NR6A1: variants seen among roughly 807,000 people sequenced by gnomAD.
NR6A1 encodes the protein nuclear receptor subfamily 6 group A member 1.
In NR6A1, 7 loss-of-function variants were observed where a neutral mutation model predicts 59.1. The observed-to-expected ratio is 0.12, with a 90% CI of 0.07 to 0.22. The LOEUF is 0.22. Ranked by LOEUF, NR6A1 falls within the 10% of genes least tolerant of loss-of-function variation. NR6A1 has a pLI of 1.00. For synonymous variants in NR6A1, 243 were observed against 236.1 expected (o/e 1.03, Z -0.27); for missense variants, 468 against 611.6 (o/e 0.77, Z 2.48).
chr9:124,589,969 G>A (rs1000188472), intron 2 of NR6A1, among the ~76,000 whole-genome samples: 11 of 147,874 alleles, frequency 7.4e-5, no homozygotes, highest in African/African-American at 2.7e-4. Context: ...GGAGATTGAG[G>A]CAGGAGAATC....
At chr9:124,567,554 C>G (rs957205183) in intron 2 of NR6A1, among the ~76,000 whole-genome samples, 1 of 151,954 alleles carries the variant, frequency 6.6e-6, no homozygotes, top group East Asian at 1.9e-4. Context: ...AGCTTGAGCC[C>G]GGGAGTCGGA....
At chr9:124,746,089 C>T (rs1453856971) in intron 1 of NR6A1, among the ~76,000 whole-genome samples, 2 of 151,516 alleles carry the variant, frequency 1.3e-5, no homozygotes, top group Non-Finnish European at 2.9e-5. Context: ...CTACCATTCT[C>T]TAAATGACTT....
At chr9:124,593,465 C>T (rs767429458) in intron 2 of NR6A1, among the ~76,000 whole-genome samples, 13 of 152,166 alleles carry the variant, frequency 8.5e-5, no homozygotes, top group Non-Finnish European at 1.6e-4. Flanking sequence ...AAAAAGATTA[C>T]TTACTCAATG....
chr9:124,692,082 A>G (rs941718173), intron 2 of NR6A1, among the ~76,000 whole-genome samples: 1 of 152,202 alleles, frequency 6.6e-6, no homozygotes, highest in African/African-American at 2.4e-5. Context: ...TCATCAGGAA[A>G]ATGTGGGTTG....
At chr9:124,745,987 C>CAAA (rs755252377) in intron 1 of NR6A1, among the ~76,000 whole-genome samples, 13 of 58,368 alleles carry the variant, frequency 2.2e-4, no homozygotes, top group African/African-American at 6.3e-4. Context: ...GACTCTGTCT[C>CAAA]AAAAAAAAAA....
At chr9:124,768,416 G>C (rs1841001260) in intron 1 of NR6A1, among the ~76,000 whole-genome samples, 1 of 152,138 alleles carries the variant, frequency 6.6e-6, no homozygotes. Context: ...AAAATTTTTG[G>C]CAATTCTTCT....
intron 2 of NR6A1, among the ~76,000 whole-genome samples, chr9:124,631,235 T>C (rs979644189): frequency 1.3e-5 from 2 of 152,116 alleles, no homozygotes; most frequent in Non-Finnish European, 2.9e-5. Flanking sequence ...TGACATTAAG[T>C]AGTGAAGATT....
intron 2 of NR6A1, among the ~76,000 whole-genome samples, chr9:124,643,798 T>G (rs184455834): frequency 3.9e-4 from 59 of 151,498 alleles, no homozygotes; most frequent in Non-Finnish European, 7.4e-5. Context: ...GAAAGGGTAC[T>G]CTTTTCATTT....
chr9:124,734,793 G>A (rs182771915), intron 1 of NR6A1, among the ~76,000 whole-genome samples: 6 of 152,288 alleles, frequency 3.9e-5, no homozygotes, highest in Admixed American at 6.5e-5. Context: ...ACAACTAGCC[G>A]TCATATGGGA....
intron 2 of NR6A1, among the ~76,000 whole-genome samples, chr9:124,559,049 G>C (rs572313481): frequency 1.3e-5 from 2 of 152,228 alleles, no homozygotes; most frequent in South Asian, 2.1e-4. Flanking sequence ...TTATCTTATA[G>C]ATAAGGCAAA....
At chr9:124,556,744 A>G (rs1410838067) in intron 2 of NR6A1, among the ~76,000 whole-genome samples, 1 of 152,052 alleles carries the variant, frequency 6.6e-6, no homozygotes, top group East Asian at 1.9e-4. Context: ...TAGAGGTGTG[A>G]GCCACCACGC....
intron 2 of NR6A1, chr9:124,607,155 A>T (rs950757900): frequency 1.3e-5 from 2 of 152,252 alleles, no homozygotes; most frequent in Non-Finnish European, 2.9e-5. Context: ...GAAAGATAGA[A>T]TAAGCTGGGC....
intron 2 of NR6A1, among the ~76,000 whole-genome samples, chr9:124,624,356 G>C (rs978289186): frequency 6.6e-6 from 1 of 152,244 alleles, no homozygotes; most frequent in Admixed American, 6.5e-5. Context: ...TCCTCAGACA[G>C]ATGAGAATGT....
chr9:124,724,876 A>C (rs1217400840), intron 2 of NR6A1, among the ~76,000 whole-genome samples: 1 of 152,238 alleles, frequency 6.6e-6, no homozygotes, highest in African/African-American at 2.4e-5. Context: ...TTAGCCTAGA[A>C]AGCTGACAGC....
chr9:124,601,063 G>T (rs777525581), intron 2 of NR6A1, among the ~76,000 whole-genome samples: 1 of 151,110 alleles, frequency 6.6e-6, no homozygotes, highest in Non-Finnish European at 1.5e-5. Flanking sequence ...ATTACCTGAG[G>T]TCAGAAGTTC....
At chr9:124,613,404 T>C (rs1835808709) in intron 2 of NR6A1, among the ~76,000 whole-genome samples, 1 of 152,114 alleles carries the variant, frequency 6.6e-6, no homozygotes. Context: ...ACCACCACTT[T>C]TGAAGGCCAA....
chr9:124,705,312 ATTGT>A (rs1374796385), intron 2 of NR6A1, among the ~76,000 whole-genome samples: 2 of 152,162 alleles, frequency 1.3e-5, no homozygotes, highest in African/African-American at 2.4e-5. Flanking sequence ...TACAATTACT[ATTGT>A]TTAATAGTCC....
At position 124,538,616 on chromosome 9, in the gene NR6A1, C is replaced by T. The variant is rs570596984; in HGVS notation, c.597-297G>A. On this transcript the variant is annotated intron_variant, in intron 5 of 9. Coordinates refer to ENST00000487099, the MANE Select transcript of NR6A1 (RefSeq NM_033334.4). The stretch of plus-strand genomic sequence containing the variant: ...TCTTTGTATAGGTGCCATGTCTGGA[C>T]AGTTTTTTAACAGATACTTGTAGAC... Among the ~76,000 whole-genome samples, 12 of 152,198 alleles carry T rather than the reference C, an allele frequency of 7.9e-5. No individual in the cohort carries two copies. The South Asian group carries it at 2.3e-3, about 29-fold the overall frequency.
rs993398990 is a variant in NR6A1 at position 124,521,013 on chromosome 9, G to A, written c.*1692C>T. 2.0e-5 allele frequency: 3 copies of A among 152,348 alleles called. No homozygotes were observed. Among genetic ancestry groups the A allele is most frequent in the South Asian group, 2.1e-4 (1 of 4,826 alleles). The allele number at this position is 152,348 out of a possible 1,614,324, so 9.4% of individuals were successfully genotyped here. A position where few individuals can be genotyped will look rare whatever the true frequency, so the allele number is the denominator to read the frequency against. The stretch of plus-strand genomic sequence containing the variant: ...ATGGACTACCCAGTATGCACACGAC[G>A]TGGTGCCCTCCTGGGTAGCTTTACT... On this transcript the variant is annotated 3_prime_UTR_variant, in exon 10 of 10. Transcript: ENST00000487099.
Sources: gnomAD v4.1 joint callset for allele counts (sites outside exome capture counted in the v4.1 genomes callset) on GRCh38, gnomAD v4.1.1 for gene constraint, MANE v1.5 for transcripts, NCBI Gene and HGNC (gene_info 2026-07-23, HGNC 2026-07-21) for gene names.